Variants in CTPS2 observed in about 807,000 individuals in gnomAD.
CTPS2 encodes the protein CTP synthase II.
A neutral mutation model predicts 46.8 loss-of-function variants in CTPS2; 19 were observed. The observed-to-expected ratio is 0.41, with a 90% CI of 0.28 to 0.60. The LOEUF (loss-of-function observed/expected upper bound fraction) is 0.60, where lower values mean the gene tolerates loss of function less well. Among genes scored for constraint, CTPS2 ranks in the 20% least tolerant of loss-of-function variants. The pLI is 0.35. For synonymous variants in CTPS2, 151 were observed against 165.2 expected, an observed-to-expected ratio of 0.91 and a Z score of 0.66; for missense variants, 286 against 447.6, an observed-to-expected ratio of 0.64 and a Z score of 3.26.
intron 3 of CTPS2, among the ~76,000 whole-genome samples, chrX:16,698,642 C>A (rs771868933): frequency 9.0e-6 from 1 of 110,787 alleles, no homozygotes; most frequent in Non-Finnish European, 1.9e-5. Context: ...TCTCTGCCTC[C>A]TGGGTTCGAG....
In CTPS2 at chrX:16,643,370, AT is replaced by A. The variant is rs375662861; in HGVS notation, c.1297-4128del. On this transcript the variant is annotated intron_variant, in intron 13 of 18. Transcript: ENST00000359276. Reference sequence around the variant, plus strand: ...GCAACATACAGCAATTTCCTCTAGCATTTTTTTTTTCCACTTTGTAGCATCG... The same window carrying A: ...GCAACATACAGCAATTTCCTCTAGCATTTTTTTTTCCACTTTGTAGCATCG... Among the ~76,000 whole-genome samples, 399 of 107,342 alleles carry A rather than the reference AT, an allele frequency of 3.7e-3. 2 individuals carry two copies. Among genetic ancestry groups the A allele is most frequent in the African/African-American group, 0.012 (347 of 29,593 alleles). 93.2% of individuals were successfully genotyped at this position (107,342 alleles called of 115,157 possible).
At position 16,670,693 on chromosome X, in the gene CTPS2, G is replaced by C; in HGVS notation, c.1095-19C>G. On this transcript the variant is annotated intron_variant, in intron 10 of 18. Transcript: ENST00000359276. The stretch of plus-strand genomic sequence containing the variant: ...AATACCACTGAAATCAATACAAAAT[G>C]AGGGTAAACTTGACTATCCATTTTT... 9.0e-7 allele frequency: 1 copy of C among 1,116,468 alleles called. No individual in the cohort carries two copies. Among genetic ancestry groups the C allele is most frequent in the Non-Finnish European group, 1.2e-6 (1 of 822,631 alleles). The allele number at this position is 1,116,468 out of a possible 1,213,427, so 92.0% of individuals were successfully genotyped here.
chrX:16,600,917 C>G (rs1028972491), intron 17 of CTPS2, among the ~76,000 whole-genome samples: 1 of 111,927 alleles, frequency 8.9e-6, no homozygotes, highest in East Asian at 2.8e-4. Context: ...AAAGCACCAC[C>G]TCAACTGTCC....
chrX:16,636,978 T>C (rs1309821969), intron 14 of CTPS2, among the ~76,000 whole-genome samples: 2 of 112,402 alleles, frequency 1.8e-5, no homozygotes, highest in African/African-American at 6.5e-5. Context: ...AGACAAATTA[T>C]ATGATGTATT....
At chrX:16,638,904 T>G (rs185300854) in intron 14 of CTPS2, 91 of 506,881 alleles carry the variant, frequency 1.8e-4, no homozygotes, top group Non-Finnish European at 3.2e-4. Context: ...GTCACGCAGA[T>G]CAAATGCGGA....
At chrX:16,594,224 G>T (rs914509236) in intron 17 of CTPS2, among the ~76,000 whole-genome samples, 1 of 111,158 alleles carries the variant, frequency 9.0e-6, no homozygotes, top group South Asian at 3.9e-4. Flanking sequence ...AGGACTGAGG[G>T]AACTTCATTT....
At chrX:16,687,491 A>G (rs181469440) in intron 8 of CTPS2, among the ~76,000 whole-genome samples, 2,119 of 107,924 alleles carry the variant, frequency 0.02, 51 homozygotes, top group African/African-American at 0.068. Context: ...AAAAAAAAAA[A>G]AAAGAAAGAA....
chrX:16,634,102 A>G (rs983934758), intron 14 of CTPS2, among the ~76,000 whole-genome samples: 18 of 112,088 alleles, frequency 1.6e-4, no homozygotes, highest in African/African-American at 5.8e-4. Flanking sequence ...AAGACCAGAT[A>G]CAGGAAAAAG....
chrX:16,670,621 T>C lies in CTPS2; in HGVS notation c.1148A>G (p.Gln383Arg). 8.3e-6 allele frequency: 10 copies of C among 1,208,526 alleles called. No homozygotes were observed. Among genetic ancestry groups the C allele is most frequent in the Non-Finnish European group, 1.1e-5 (10 of 893,733 alleles). Residue 383 changes from glutamine to arginine, a missense_variant, in exon 11 of 19, where the codon CAG (glutamine) becomes CGG (arginine). By Grantham distance (43) the Gln-to-Arg change is conservative. Coordinates refer to ENST00000359276, the MANE Select transcript of CTPS2 (RefSeq NM_175859.3). ...CTTTGTCCTTGCCCAAGAAATCGCCTGGAGTTTTCCCAATGTTCCTCTGAT... is the reference window on the plus strand; with the variant it reads ...CTTTGTCCTTGCCCAAGAAATCGCCCGGAGTTTTCCCAATGTTCCTCTGAT... ...FGIRGTLGKL[Q>R]AISWARTKKI... is the part of the protein sequence containing the mutation.
intron 16 of CTPS2, among the ~76,000 whole-genome samples, chrX:16,610,324 G>A: frequency 9.1e-6 from 1 of 110,425 alleles, no homozygotes; most frequent in Non-Finnish European, 1.9e-5. Flanking sequence ...AGTTTAAGAG[G>A]GGGAAGTAAA....
At chrX:16,649,511 A>C in intron 13 of CTPS2, among the ~76,000 whole-genome samples, 1 of 112,179 alleles carries the variant, frequency 8.9e-6, no homozygotes. Context: ...TCTTTTTTAC[A>C]GACAGGATCT....
At chrX:16,675,243 C>T (rs750876080) in intron 10 of CTPS2, among the ~76,000 whole-genome samples, 7 of 99,038 alleles carry the variant, frequency 7.1e-5, no homozygotes, top group Admixed American at 1.2e-4. Context: ...ACTCCAGCCT[C>T]GGTGACAGAG....
Position 16,612,486 on chromosome X carries a change from G to T in CTPS2, c.1547-2801C>A, listed in dbSNP as rs181904342. Among the ~76,000 whole-genome samples, 140 of 112,183 alleles carry T rather than the reference G, an allele frequency of 1.2e-3. 1 individual carries two copies. The highest frequency in any genetic ancestry group is 2.6e-3 in the South Asian group (7 of 2,715). On this transcript the variant is annotated intron_variant, in intron 16 of 18. Transcript: ENST00000359276. ...CTTCTAAGTATTTGATGACAATAAT[G>T]ACAACCAGAAGAATTAAAAGTGAAT...
rs1053115384 is a variant in CTPS2 at position 16,684,228 on chromosome X, G to A, written c.873-1002C>T. On this transcript the variant is annotated intron_variant, in intron 8 of 18. Transcript: ENST00000359276. ...TGAATATCAACATCTGCAAAGAGTGGCCGGGCACGGTGGCCCACACCTGTA... is the reference window on the plus strand; with the variant it reads ...TGAATATCAACATCTGCAAAGAGTGACCGGGCACGGTGGCCCACACCTGTA... Among the ~76,000 whole-genome samples the A allele has an allele frequency of 2.7e-5, 3 of 111,079 alleles. No individual in the cohort carries two copies. In the Admixed American group the frequency reaches 2.9e-4, roughly 11 times the overall value.
At chrX:16,639,574 A>G (rs1211045672) in intron 13 of CTPS2, among the ~76,000 whole-genome samples, 2 of 110,069 alleles carry the variant, frequency 1.8e-5, no homozygotes, top group Non-Finnish European at 3.8e-5. Flanking sequence ...GAGGCCTCCC[A>G]CTTCGGTGTT....
chrX:16,648,326 T>C (rs1284534850), intron 13 of CTPS2, among the ~76,000 whole-genome samples: 1 of 111,628 alleles, frequency 9.0e-6, no homozygotes, highest in East Asian at 2.8e-4. Context: ...ATGTTTGTAA[T>C]TGATTCTCAA....
rs1265995581 is a variant in CTPS2 at position 16,632,503 on chromosome X, C to T, written c.1393+6644G>A. On this transcript the variant is annotated intron_variant, in intron 14 of 18. Transcript: ENST00000359276. ...GTGGCATGATCTCGGCTCACTGCAA[C>T]CTCCGCCTCCCGGGTTCAAGCTATT... 2.8e-5 allele frequency among the ~76,000 whole-genome samples: 3 copies of T among 108,499 alleles called. No homozygotes were observed. The Admixed American group carries it at 3.0e-4, about 11-fold the overall frequency. 94.2% of individuals were successfully genotyped at this position (108,499 alleles called of 115,157 possible).
At chrX:16,651,021 G>A (rs754268491) in intron 13 of CTPS2, 1 of 1,206,054 alleles carries the variant, frequency 8.3e-7, no homozygotes, top group Admixed American at 2.2e-5. Context: ...GTACTAAAAA[G>A]TCTCCTGAGG....
At chrX:16,688,765 G>A (rs201200138) in intron 8 of CTPS2, among the ~76,000 whole-genome samples, 2 of 106,551 alleles carry the variant, frequency 1.9e-5, no homozygotes, top group African/African-American at 7.0e-5. Flanking sequence ...TTAAAAACAA[G>A]CAAAACAAAA....
Sources: allele counts gnomAD v4.1 joint callset (sites outside exome capture counted in the v4.1 genomes callset), GRCh38; gene constraint gnomAD v4.1.1; transcripts MANE v1.5; gene names NCBI Gene and HGNC (gene_info 2026-07-23, HGNC 2026-07-21).